Variants in PPP1R9A observed in about 807,000 individuals in gnomAD.
PPP1R9A encodes the protein protein phosphatase 1 regulatory subunit 9A, also known as neurabin-1.
A neutral mutation model predicts 141.9 loss-of-function variants in PPP1R9A; 59 were observed. The ratio of observed to expected loss-of-function variants is 0.42; its 90% confidence interval spans 0.34 to 0.52. The LOEUF (loss-of-function observed/expected upper bound fraction) is 0.52, where lower values mean the gene tolerates loss of function less well. Ranked by LOEUF, PPP1R9A falls within the 20% of genes least tolerant of loss-of-function variation. The probability of loss-of-function intolerance (pLI) is 0.10; values close to 1 mark genes in which losing one functional copy is unlikely to be tolerated. For synonymous variants in PPP1R9A, 500 were observed against 569.7 expected, an observed-to-expected ratio of 0.88 and a Z score of 1.74; for missense variants, 1,444 against 1,611.9, an observed-to-expected ratio of 0.90 and a Z score of 1.78.
intron 6 of PPP1R9A, among the ~76,000 whole-genome samples, chr7:95,201,008 A>G (rs1789450372): frequency 6.6e-6 from 1 of 152,184 alleles, no homozygotes; most frequent in Non-Finnish European, 1.5e-5. Context: ...ACTCCTGCAG[A>G]CACAGAATAA....
At chr7:95,212,480 G>T (rs995062272) in intron 7 of PPP1R9A, among the ~76,000 whole-genome samples, 1 of 152,096 alleles carries the variant, frequency 6.6e-6, no homozygotes, top group Non-Finnish European at 1.5e-5. Flanking sequence ...GTTACTAAAG[G>T]GAGCTTTCCT....
intron 4 of PPP1R9A, among the ~76,000 whole-genome samples, chr7:95,151,682 A>T (rs1273819006): frequency 2.6e-5 from 4 of 151,462 alleles, no homozygotes; most frequent in Non-Finnish European, 5.9e-5. Context: ...TATGTGAACC[A>T]CTATCATGTA....
intron 1 of PPP1R9A, chr7:94,908,704 G>C (rs1166466856): frequency 6.6e-6 from 1 of 152,244 alleles, no homozygotes; most frequent in Non-Finnish European, 1.5e-5. Flanking sequence ...GGAGGGAATG[G>C]GGGGTGTGTG....
intron 2 of PPP1R9A, among the ~76,000 whole-genome samples, chr7:95,082,733 A>T (rs1389116934): frequency 6.6e-6 from 1 of 150,650 alleles, no homozygotes; most frequent in African/African-American, 2.5e-5. Flanking sequence ...CTGTCTCTTA[A>T]AAAAGAAAAA....
intron 6 of PPP1R9A, among the ~76,000 whole-genome samples, chr7:95,202,998 G>A (rs887581616): frequency 1.3e-5 from 2 of 151,946 alleles, no homozygotes; most frequent in Non-Finnish European, 2.9e-5. Flanking sequence ...GCTATAGATA[G>A]CATTTCAAAG....
At chr7:95,030,531 G>T (rs1245672029) in intron 2 of PPP1R9A, among the ~76,000 whole-genome samples, 1 of 151,978 alleles carries the variant, frequency 6.6e-6, no homozygotes, top group Admixed American at 6.6e-5. Flanking sequence ...TGAGATCAGG[G>T]AAAGAGACTG....
Position 95,269,516 on chromosome 7 carries a change from A to C in PPP1R9A, c.3124+9A>C, listed in dbSNP as rs540951512. 4.0e-4 allele frequency: 619 copies of C among 1,547,820 alleles called. 3 individuals are homozygous for C. The South Asian group carries it at 6.5e-3, about 16-fold the overall frequency. ...AATATTACGAGAAAAAGGTATTGTT[A>C]ATTTCTTTTTCTGACTTCATAACAC... On this transcript the variant is annotated intron_variant, in intron 14 of 19. Coordinates refer to ENST00000433360, the MANE Select transcript of PPP1R9A (RefSeq NM_001166160.2).
At chr7:94,937,434 A>C (rs150700152) in intron 2 of PPP1R9A, among the ~76,000 whole-genome samples, 2 of 152,164 alleles carry the variant, frequency 1.3e-5, no homozygotes, top group East Asian at 3.8e-4. Flanking sequence ...TCAATATCCA[A>C]TGTTTTAATT....
chr7:95,190,334 T>A (rs1585162759), intron 5 of PPP1R9A, among the ~76,000 whole-genome samples: 3 of 152,314 alleles, frequency 2.0e-5, no homozygotes, highest in Non-Finnish European at 2.9e-5. Flanking sequence ...AGGCTCTGTG[T>A]TAGTGCTGGG....
intron 2 of PPP1R9A, among the ~76,000 whole-genome samples, chr7:94,921,600 A>G (rs916468800): frequency 6.6e-6 from 1 of 152,098 alleles, no homozygotes. Flanking sequence ...GATATTATAT[A>G]TGTATAAAAT....
intron 2 of PPP1R9A, among the ~76,000 whole-genome samples, chr7:95,080,622 G>A (rs921961030): frequency 1.3e-5 from 2 of 152,090 alleles, no homozygotes; most frequent in East Asian, 1.9e-4. Flanking sequence ...AAAAGAGCCC[G>A]CATCGCCAAG....
chr7:94,960,920 A>G (rs1464230456), intron 2 of PPP1R9A, among the ~76,000 whole-genome samples: 1 of 151,730 alleles, frequency 6.6e-6, no homozygotes, highest in Non-Finnish European at 1.5e-5. Flanking sequence ...TAGAAAAGCA[A>G]AGTTCCAATG....
intron 2 of PPP1R9A, among the ~76,000 whole-genome samples, chr7:95,058,196 A>G (rs989337363): frequency 1.3e-5 from 2 of 152,186 alleles, no homozygotes; most frequent in Non-Finnish European, 2.9e-5. Flanking sequence ...TAGATTGTTT[A>G]GTTGAATTTA....
chr7:95,201,406 A>T (rs532787503), intron 6 of PPP1R9A, among the ~76,000 whole-genome samples: 1 of 152,164 alleles, frequency 6.6e-6, no homozygotes, highest in East Asian at 1.9e-4. Flanking sequence ...TCAACAAAAC[A>T]TGCCCAGATA....
At chr7:95,257,786 CAT>C (rs1212834373) in intron 12 of PPP1R9A, among the ~76,000 whole-genome samples, 1 of 151,802 alleles carries the variant, frequency 6.6e-6, no homozygotes, top group Non-Finnish European at 1.5e-5. Flanking sequence ...TTGTCCTTGC[CAT>C]AGTTTGCTGA....
Position 95,250,140 on chromosome 7 carries a change from G to A in PPP1R9A, c.2281G>A (p.Ala761Thr), listed in dbSNP as rs143616387. ...MLKLESYWIE[A>T]QTLCHTVNEH... is the part of the protein sequence containing the mutation. ...GAAGTTGGAAAGCTACTGGATTGAG[G>A]CCCAAACATTATGCCACACAGTGAA... The change falls in exon 10 of 20, where the codon GCC becomes ACC. Residue 761 changes from alanine to threonine, a missense_variant. Physicochemically the swap from Ala to Thr is moderately conservative, Grantham distance 58. Coordinates refer to ENST00000433360, the MANE Select transcript of PPP1R9A (RefSeq NM_001166160.2). The A allele has an allele frequency of 2.5e-6, 4 of 1,613,812 alleles. No individual in the cohort carries two copies. The highest frequency in any genetic ancestry group is 3.4e-6 in the Non-Finnish European group (4 of 1,179,940).
intron 2 of PPP1R9A, among the ~76,000 whole-genome samples, chr7:94,967,937 A>G (rs1475415342): frequency 6.6e-6 from 1 of 152,206 alleles, no homozygotes; most frequent in Non-Finnish European, 1.5e-5. Flanking sequence ...AACTTGGTCC[A>G]GAGCTGAGTT....
At position 95,092,717 on chromosome 7, in the gene PPP1R9A, A is replaced by C. The variant is rs114168324; in HGVS notation, c.1396-18542A>C. Among the ~76,000 whole-genome samples the C allele has an allele frequency of 7.7e-3, 1,167 of 152,344 alleles. 13 individuals are homozygous for C. Among genetic ancestry groups the C allele is most frequent in the African/African-American group, 0.027 (1,117 of 41,564 alleles). ...CTGAAGATGGCAGATTTAAACAAGA[A>C]AATAGCATTAACAAATGAAATGCGG... On this transcript the variant is annotated intron_variant, in intron 2 of 19. Coordinates refer to ENST00000433360, the MANE Select transcript of PPP1R9A (RefSeq NM_001166160.2).
chr7:95,270,730 C>T (rs1228855564), intron 14 of PPP1R9A, among the ~76,000 whole-genome samples: 1 of 152,080 alleles, frequency 6.6e-6, no homozygotes, highest in Admixed American at 6.6e-5. Context: ...GTAAATTGAA[C>T]ACTATCAATT....
Sources: allele counts gnomAD v4.1 joint callset (sites outside exome capture counted in the v4.1 genomes callset), GRCh38; gene constraint gnomAD v4.1.1; transcripts MANE v1.5; gene names NCBI Gene and HGNC (gene_info 2026-07-23, HGNC 2026-07-21).